Variants in SGCZ observed in about 807,000 individuals in gnomAD.
SGCZ encodes sarcoglycan zeta.
A neutral mutation model predicts 41.3 loss-of-function variants in SGCZ; 40 were observed. The ratio of observed to expected loss-of-function variants is 0.97; its 90% CI spans 0.75 to 1.26. The LOEUF (loss-of-function observed/expected upper bound fraction) is 1.26, where lower values mean the gene tolerates loss of function less well. Ranked by LOEUF, SGCZ falls within the 50% of genes most tolerant of loss-of-function variation. The probability of loss-of-function intolerance (pLI) is 0.00; values close to 1 mark genes in which losing one functional copy is unlikely to be tolerated. For synonymous variants in SGCZ, 206 were observed against 137.5 expected (o/e 1.50, Z -3.49); for missense variants, 552 against 369.8 (o/e 1.49, Z -4.04).
chr8:14,647,824 T>C (rs1449781130), intron 1 of SGCZ, among the ~76,000 whole-genome samples: 5 of 152,100 alleles, frequency 3.3e-5, no homozygotes, highest in African/African-American at 1.2e-4. Context: ...TTCACTATTT[T>C]CTTCAGTGTT....
chr8:14,376,574 A>G (rs1316230764), intron 2 of SGCZ, among the ~76,000 whole-genome samples: 1 of 152,116 alleles, frequency 6.6e-6, no homozygotes, highest in Non-Finnish European at 1.5e-5. Flanking sequence ...TGGTTTTTCA[A>G]AGACTCTACC....
chr8:14,289,379 T>C, intron 3 of SGCZ, among the ~76,000 whole-genome samples: 1 of 152,164 alleles, frequency 6.6e-6, no homozygotes, highest in Non-Finnish European at 1.5e-5. Flanking sequence ...CCCTATATTT[T>C]CTTCAAATAA....
chr8:14,303,506 A>G (rs917430663), intron 3 of SGCZ, among the ~76,000 whole-genome samples: 1 of 152,142 alleles, frequency 6.6e-6, no homozygotes, highest in African/African-American at 2.4e-5. Flanking sequence ...ATAAACTCAA[A>G]CTACTTGCAG....
chr8:14,599,853 A>C (rs2117309005), intron 1 of SGCZ, among the ~76,000 whole-genome samples: 1 of 152,294 alleles, frequency 6.6e-6, no homozygotes, highest in Middle Eastern at 3.4e-3. Flanking sequence ...CATACAAACA[A>C]AAGACCCTTG....
At chr8:14,501,984 G>C (rs999433116) in intron 2 of SGCZ, among the ~76,000 whole-genome samples, 2 of 151,994 alleles carry the variant, frequency 1.3e-5, no homozygotes, top group Non-Finnish European at 2.9e-5. Flanking sequence ...ATAATCATTT[G>C]ACAGGATTAG....
chr8:14,203,661 G>C (rs1481242733), intron 4 of SGCZ, among the ~76,000 whole-genome samples: 1 of 152,140 alleles, frequency 6.6e-6, no homozygotes, highest in African/African-American at 2.4e-5. Flanking sequence ...CTGGAGGTGA[G>C]CACCACAATC....
chr8:15,054,289 TC>T (rs1408692027), intron 1 of SGCZ, among the ~76,000 whole-genome samples: 1 of 152,222 alleles, frequency 6.6e-6, no homozygotes, highest in Non-Finnish European at 1.5e-5. Context: ...TGATGTTAAT[TC>T]ATATGAGTCA....
intron 1 of SGCZ, among the ~76,000 whole-genome samples, chr8:15,093,434 T>G (rs1168128483): frequency 6.6e-6 from 1 of 152,244 alleles, no homozygotes; most frequent in Non-Finnish European, 1.5e-5. Context: ...ATATTCATAT[T>G]TTTGTAGTAT....
chr8:15,157,890 G>A (rs1378642536), intron 1 of SGCZ, among the ~76,000 whole-genome samples: 1 of 152,182 alleles, frequency 6.6e-6, no homozygotes, highest in Non-Finnish European at 1.5e-5. Context: ...GAAACGTAGA[G>A]ACCATCTGGC....
chr8:14,642,067 A>G (rs555955906), intron 1 of SGCZ, among the ~76,000 whole-genome samples: 4 of 151,636 alleles, frequency 2.6e-5, no homozygotes, highest in Non-Finnish European at 5.9e-5. Flanking sequence ...ATTAGTTTGT[A>G]CAATTCACCT....
intron 1 of SGCZ, among the ~76,000 whole-genome samples, chr8:14,651,024 A>G (rs1446200357): frequency 6.6e-6 from 1 of 152,080 alleles, no homozygotes; most frequent in African/African-American, 2.4e-5. Context: ...AGACTTATCT[A>G]GTAGTTGTAA....
rs936414674 is a variant in SGCZ, at chr8:15,237,809, T to C, written c.-186A>G. On this transcript the variant is annotated 5_prime_UTR_variant, in exon 1 of 8. Transcript: ENST00000382080. ...AATAAGGAAAATAAATAAATAATAA[T>C]GATAATTCACTTTATTTTACTTCCT... is the stretch of plus-strand genomic sequence containing the variant. The C allele has an allele frequency of 1.0e-5, 6 of 574,650 alleles. No individual in the cohort carries two copies. The highest frequency in any genetic ancestry group is 9.4e-5 in the African/African-American group (5 of 53,256). The allele number at this position is 574,650 out of a possible 1,614,324, so 35.6% of individuals were successfully genotyped here.
chr8:14,528,782 C>T (rs1332244924), intron 2 of SGCZ, among the ~76,000 whole-genome samples: 2 of 148,326 alleles, frequency 1.3e-5, no homozygotes, highest in Admixed American at 6.7e-5. Flanking sequence ...CCACTTAATT[C>T]CTTGCACTAC....
At chr8:14,552,239 T>C (rs2117184543) in intron 2 of SGCZ, among the ~76,000 whole-genome samples, 1 of 152,172 alleles carries the variant, frequency 6.6e-6, no homozygotes, top group Middle Eastern at 3.4e-3. Flanking sequence ...ACCCTTCAAG[T>C]ATATACAACA....
At chr8:14,567,663 C>T (rs1307005617) in intron 1 of SGCZ, among the ~76,000 whole-genome samples, 1 of 152,172 alleles carries the variant, frequency 6.6e-6, no homozygotes, top group Non-Finnish European at 1.5e-5. Flanking sequence ...TGTTCTTTCG[C>T]TCTTTGCAAT....
intron 1 of SGCZ, among the ~76,000 whole-genome samples, chr8:14,798,300 G>A (rs1801204523): frequency 6.6e-6 from 1 of 152,102 alleles, no homozygotes; most frequent in Non-Finnish European, 1.5e-5. Flanking sequence ...AATTTGGAAG[G>A]CAATAATCCT....
chr8:14,485,000 G>A (rs1463411432), intron 2 of SGCZ, among the ~76,000 whole-genome samples: 2 of 152,088 alleles, frequency 1.3e-5, no homozygotes, highest in African/African-American at 2.4e-5. Flanking sequence ...CTCACACACT[G>A]TAAGTATTTT....
At chr8:14,242,309 C>T (rs1460191277) in intron 3 of SGCZ, among the ~76,000 whole-genome samples, 1 of 152,132 alleles carries the variant, frequency 6.6e-6, no homozygotes, top group Non-Finnish European at 1.5e-5. Flanking sequence ...TTAATCAATG[C>T]CAGATACTGC....
At chr8:15,170,039 T>C (rs924107101) in intron 1 of SGCZ, among the ~76,000 whole-genome samples, 3 of 152,234 alleles carry the variant, frequency 2.0e-5, no homozygotes, top group Non-Finnish European at 4.4e-5. Flanking sequence ...ACACTTCAGT[T>C]TGGATAACTG....
Sources: allele counts gnomAD v4.1 joint callset (sites outside exome capture counted in the v4.1 genomes callset), GRCh38; gene constraint gnomAD v4.1.1; transcripts MANE v1.5; gene names NCBI Gene and HGNC (gene_info 2026-07-23, HGNC 2026-07-21).